Variants in EPHA6 observed in about 807,000 individuals in gnomAD.
EPHA6 encodes EPH receptor A6.
A neutral mutation model predicts 112.0 loss-of-function variants in EPHA6; 50 were observed. The observed-to-expected ratio is 0.45, with a 90% CI of 0.36 to 0.56. The LOEUF (loss-of-function observed/expected upper bound fraction) is 0.56. Among genes scored for constraint, EPHA6 ranks in the 20% least tolerant of loss-of-function variants. EPHA6 has a pLI of 0.00. For missense variants in EPHA6, 1,280 were observed against 1,417.4 expected (o/e 0.90, Z 1.56); for synonymous variants, 529 against 490.7 (o/e 1.08, Z -1.03).
At chr3:97,702,931 A>G (rs1559614010) in intron 14 of EPHA6, among the ~76,000 whole-genome samples, 2 of 152,168 alleles carry the variant, frequency 1.3e-5, no homozygotes, top group Non-Finnish European at 1.5e-5. Context: ...ATGAACACCC[A>G]CTGTACTAAA....
intron 11 of EPHA6, among the ~76,000 whole-genome samples, chr3:97,544,814 T>C (rs1560120362): frequency 6.6e-6 from 1 of 152,192 alleles, no homozygotes; most frequent in African/African-American, 2.4e-5. Flanking sequence ...CCTGGTTTAG[T>C]CTTGGGAGGA....
Position 96,920,588 on chromosome 3 carries a change from T to A in EPHA6, c.450+53699T>A, listed in dbSNP as rs2039704440. On this transcript the variant is annotated intron_variant, in intron 2 of 17. Coordinates refer to ENST00000389672, the MANE Select transcript of EPHA6 (RefSeq NM_001080448.3). ...TTCTATTTAGATCCTTTTATTGATA[T>A]GTAGCTCTTTCTTTCATCACTTAAT... 2.0e-5 allele frequency among the ~76,000 whole-genome samples: 3 copies of A among 152,024 alleles called. No homozygotes were observed. The South Asian group carries it at 6.2e-4, about 31-fold the overall frequency.
At chr3:97,378,540 C>A (rs1346139111) in intron 5 of EPHA6, among the ~76,000 whole-genome samples, 2 of 152,260 alleles carry the variant, frequency 1.3e-5, no homozygotes, top group East Asian at 3.9e-4. Flanking sequence ...CCTGGAAAAG[C>A]TGCAGACACT....
At chr3:97,522,382 A>G (rs1239183662) in intron 10 of EPHA6, among the ~76,000 whole-genome samples, 1 of 152,238 alleles carries the variant, frequency 6.6e-6, no homozygotes, top group African/African-American at 2.4e-5. Flanking sequence ...CCATCTTTGC[A>G]TCCCAGGGAT....
In EPHA6 at chr3:97,475,417, A is replaced by G. The variant is rs1483691344; in HGVS notation, c.1960A>G (p.Thr654Ala). The change falls in exon 8 of 18, where the codon ACT (threonine) becomes GCT (alanine). Residue 654 changes from threonine (T) to alanine (A), a missense_variant. Around this residue, in one of 4 missense-constraint regions of EPHA6, gnomAD observed 878 missense variants for 999.7 expected, o/e 0.88. Transcript: ENST00000389672. ...AGCCACCGCCGCTGTTGGCGGATTC[A>G]CTCTCCTCGTCATCCTCACTTTATT... ...VIATAAVGGFTLLVILTLFFL... is the reference protein window; with the variant it reads ...VIATAAVGGFALLVILTLFFL... 1 of 1,612,210 alleles carries G rather than the reference A, an allele frequency of 6.2e-7. No individual in the cohort carries two copies.
At chr3:97,312,808 C>A (rs553001065) in intron 5 of EPHA6, among the ~76,000 whole-genome samples, 31 of 151,090 alleles carry the variant, frequency 2.1e-4, no homozygotes, top group African/African-American at 7.3e-4. Flanking sequence ...CCTAACCTGG[C>A]ATTTCTGATT....
chr3:97,289,158 G>T (rs1264523641), intron 5 of EPHA6, among the ~76,000 whole-genome samples: 1 of 151,982 alleles, frequency 6.6e-6, no homozygotes, highest in East Asian at 1.9e-4. Context: ...CTTTCCCAAG[G>T]CCAATGTCCA....
At chr3:97,160,305 A>G (rs1381673004) in intron 3 of EPHA6, among the ~76,000 whole-genome samples, 1 of 151,888 alleles carries the variant, frequency 6.6e-6, no homozygotes. Context: ...TTTAGATGGA[A>G]TCTCGCTCTG....
At chr3:97,421,072 A>G (rs1015249977) in intron 6 of EPHA6, among the ~76,000 whole-genome samples, 1 of 152,092 alleles carries the variant, frequency 6.6e-6, no homozygotes, top group Non-Finnish European at 1.5e-5. Flanking sequence ...AATTCAGATC[A>G]AGCAAATAGC....
intron 14 of EPHA6, among the ~76,000 whole-genome samples, chr3:97,708,909 A>G (rs1233943918): frequency 6.6e-6 from 1 of 152,192 alleles, no homozygotes; most frequent in African/African-American, 2.4e-5. Context: ...GAAGACAAGA[A>G]TTGAGCTTTG....
chr3:97,105,863 A>G (rs2108270763), intron 3 of EPHA6, among the ~76,000 whole-genome samples: 1 of 152,262 alleles, frequency 6.6e-6, no homozygotes, highest in Non-Finnish European at 1.5e-5. Flanking sequence ...TATTTAGGAT[A>G]GTTAAGTCTT....
intron 5 of EPHA6, among the ~76,000 whole-genome samples, chr3:97,367,111 G>C (rs961855668): frequency 1.3e-5 from 2 of 152,120 alleles, no homozygotes; most frequent in Admixed American, 6.5e-5. Context: ...TCTTACTCCA[G>C]GACCCATGTT....
chr3:96,863,412 A>T (rs2036122103), intron 1 of EPHA6, among the ~76,000 whole-genome samples: 1 of 152,028 alleles, frequency 6.6e-6, no homozygotes, highest in Non-Finnish European at 1.5e-5. Context: ...GAAACAAATG[A>T]TAAAATTAAA....
chr3:97,478,002 T>C (rs1459378937), intron 8 of EPHA6, among the ~76,000 whole-genome samples: 1 of 152,102 alleles, frequency 6.6e-6, no homozygotes, highest in Non-Finnish European at 1.5e-5. Context: ...TAATCTCCTT[T>C]TCTTATTATT....
intron 2 of EPHA6, among the ~76,000 whole-genome samples, chr3:96,903,899 A>G (rs889583149): frequency 6.6e-6 from 1 of 152,190 alleles, no homozygotes; most frequent in Non-Finnish European, 1.5e-5. Context: ...AATCAAAACC[A>G]CAATGAGATA....
chr3:97,005,366 C>T (rs150765543), intron 3 of EPHA6, among the ~76,000 whole-genome samples: 75 of 152,144 alleles, frequency 4.9e-4, no homozygotes, highest in Admixed American at 2.0e-3. Context: ...GTATATTATT[C>T]TCTTTGTAGC....
intron 12 of EPHA6, among the ~76,000 whole-genome samples, chr3:97,605,120 G>A (rs1166401187): frequency 6.6e-6 from 1 of 151,456 alleles, no homozygotes; most frequent in East Asian, 1.9e-4. Context: ...AAACTGTCAA[G>A]ACTTCCTAAA....
chr3:97,469,954 T>C (rs773729503), intron 7 of EPHA6, among the ~76,000 whole-genome samples: 1 of 151,254 alleles, frequency 6.6e-6, no homozygotes, highest in African/African-American at 2.4e-5. Context: ...GGACTTGGAG[T>C]TGTAGGAAAA....
intron 3 of EPHA6, among the ~76,000 whole-genome samples, chr3:97,140,051 ATTACT>A (rs747143534): frequency 5.6e-4 from 86 of 152,270 alleles, no homozygotes; most frequent in Non-Finnish European, 9.7e-4. Flanking sequence ...GGAACTTCAA[ATTACT>A]TTAATTGAAA....
Sources: gnomAD v4.1 joint callset for allele counts (sites outside exome capture counted in the v4.1 genomes callset) on GRCh38, gnomAD v4.1.1 for gene constraint, gnomAD v4.1.1 regional missense constraint, MANE v1.5 for transcripts, NCBI Gene and HGNC (gene_info 2026-07-23, HGNC 2026-07-21) for gene names.